The following CTNNA3 variants were observed in gnomAD, a reference collection of about 807,000 sequenced individuals.
CTNNA3 encodes the protein catenin alpha-3.
Under a neutral mutation model 95.7 loss-of-function variants are expected in CTNNA3, and 76 were observed. That is an observed-to-expected ratio of 0.79 (90% confidence interval 0.66 to 0.96). The LOEUF is 0.96. Among genes scored for constraint, CTNNA3 ranks in the 40% least tolerant of loss-of-function variants. The pLI, the probability that CTNNA3 is intolerant of heterozygous loss-of-function variation, is 0.00. For missense variants in CTNNA3, 1,191 were observed against 1,089.8 expected (o/e 1.09, Z -1.31); for synonymous variants, 431 against 374.4 (o/e 1.15, Z -1.74).
intron 13 of CTNNA3, among the ~76,000 whole-genome samples, chr10:66,190,311 C>T: frequency 6.6e-6 from 1 of 152,084 alleles, no homozygotes; most frequent in East Asian, 1.9e-4. Flanking sequence ...ACAAACCTGT[C>T]AAACAAGAAT....
At chr10:67,501,536 T>G (rs185899562) in intron 5 of CTNNA3, among the ~76,000 whole-genome samples, 145 of 152,316 alleles carry the variant, frequency 9.5e-4, no homozygotes, top group African/African-American at 3.3e-3. Context: ...GAAGTTCTCC[T>G]GGTTAGTATC....
intron 11 of CTNNA3, among the ~76,000 whole-genome samples, chr10:66,488,364 T>A (rs920343293): frequency 4.6e-5 from 7 of 152,172 alleles, no homozygotes; most frequent in African/African-American, 1.7e-4. Flanking sequence ...GTCTAACTAA[T>A]CTATATACCT....
chr10:67,112,083 C>T (rs760572679), intron 7 of CTNNA3, among the ~76,000 whole-genome samples: 3 of 152,172 alleles, frequency 2.0e-5, no homozygotes, highest in South Asian at 2.1e-4. Context: ...TAGATGTTGT[C>T]GTCAGTTTGT....
chr10:67,031,139 C>A (rs2133109870), intron 7 of CTNNA3, among the ~76,000 whole-genome samples: 1 of 152,262 alleles, frequency 6.6e-6, no homozygotes, highest in South Asian at 2.1e-4. Context: ...CAAAAGTAAC[C>A]TTTACTTAAT....
At chr10:66,159,247 G>A (rs904769404) in intron 13 of CTNNA3, among the ~76,000 whole-genome samples, 2 of 151,982 alleles carry the variant, frequency 1.3e-5, no homozygotes, top group Non-Finnish European at 1.5e-5. Context: ...GGTCTCAGAG[G>A]GAATTCTTTC....
chr10:66,530,690 A>G (rs1841435455), intron 10 of CTNNA3, among the ~76,000 whole-genome samples: 2 of 152,162 alleles, frequency 1.3e-5, no homozygotes, highest in South Asian at 4.2e-4. Flanking sequence ...CAATTAATGA[A>G]ACTGCATTCA....
intron 13 of CTNNA3, among the ~76,000 whole-genome samples, chr10:66,120,658 T>G (rs919334424): frequency 2.6e-5 from 4 of 152,170 alleles, no homozygotes; most frequent in Non-Finnish European, 5.9e-5. Context: ...AATTAAGAAA[T>G]TTAAAAATAT....
At chr10:66,548,319 A>T (rs938719802) in intron 10 of CTNNA3, among the ~76,000 whole-genome samples, 2 of 152,296 alleles carry the variant, frequency 1.3e-5, no homozygotes, top group Admixed American at 1.3e-4. Flanking sequence ...TTTTTAAAAT[A>T]CTGACACTGT....
At chr10:66,512,506 C>T (rs942802759) in intron 11 of CTNNA3, among the ~76,000 whole-genome samples, 1 of 151,766 alleles carries the variant, frequency 6.6e-6, no homozygotes, top group Non-Finnish European at 1.5e-5. Context: ...AAATTTTATT[C>T]CTTTCTTTTT....
At chr10:67,599,571 GTAAA>G (rs1843018999) in intron 3 of CTNNA3, among the ~76,000 whole-genome samples, 1 of 151,900 alleles carries the variant, frequency 6.6e-6, no homozygotes, top group African/African-American at 2.4e-5. Flanking sequence ...AGGAACTAAA[GTAAA>G]AAAAAAGTTC....
chr10:67,466,357 A>T (rs1262704787), intron 5 of CTNNA3, among the ~76,000 whole-genome samples: 1 of 152,222 alleles, frequency 6.6e-6, no homozygotes, highest in African/African-American at 2.4e-5. Flanking sequence ...ACCCAGCAAT[A>T]GCTTTCTACA....
At chr10:66,275,927 T>C (rs12266660) in intron 13 of CTNNA3, among the ~76,000 whole-genome samples, 11,451 of 152,116 alleles carry the variant, frequency 0.075, 1,269 homozygotes, top group African/African-American at 0.24. Context: ...GGAAAAGCCA[T>C]AAATCTGTTC....
At chr10:66,251,753 A>C (rs1374045288) in intron 13 of CTNNA3, among the ~76,000 whole-genome samples, 5 of 152,210 alleles carry the variant, frequency 3.3e-5, no homozygotes, top group African/African-American at 1.2e-4. Flanking sequence ...GAAATTAGAA[A>C]TATCAACATT....
At chr10:67,017,748 TGTGTGC>T (rs1292319354) in intron 7 of CTNNA3, among the ~76,000 whole-genome samples, 4 of 150,522 alleles carry the variant, frequency 2.7e-5, no homozygotes, top group Non-Finnish European at 4.4e-5. Flanking sequence ...TGTGTGTGTG[TGTGTGC>T]GCGCGTACAA....
intron 1 of CTNNA3, among the ~76,000 whole-genome samples, chr10:67,733,439 T>A (rs935596728): frequency 6.6e-6 from 1 of 152,136 alleles, no homozygotes; most frequent in African/African-American, 2.4e-5. Flanking sequence ...ATCATACCCA[T>A]CTTCCACCAA....
chr10:66,119,542 C>G (rs2082484128), intron 13 of CTNNA3, among the ~76,000 whole-genome samples: 1 of 152,096 alleles, frequency 6.6e-6, no homozygotes, highest in Non-Finnish European at 1.5e-5. Flanking sequence ...TGTTTTATCA[C>G]TTTTTGATCC....
chr10:66,259,038 T>G (rs182582856), intron 13 of CTNNA3, among the ~76,000 whole-genome samples: 85 of 152,310 alleles, frequency 5.6e-4, no homozygotes, highest in Admixed American at 9.8e-4. Flanking sequence ...CTCCTATTAC[T>G]TGGACCTTTA....
chr10:66,055,146 C>G (rs1489187873), intron 15 of CTNNA3, among the ~76,000 whole-genome samples: 1 of 152,046 alleles, frequency 6.6e-6, no homozygotes, highest in Non-Finnish European at 1.5e-5. Flanking sequence ...AAATTTAAGT[C>G]AGGTAATGTG....
rs540000205 is a variant in CTNNA3 at position 67,720,057 on chromosome 10, C to A, written c.-2+43377G>T. Among the ~76,000 whole-genome samples the A allele has an allele frequency of 2.2e-5, 3 of 139,262 alleles. No homozygotes were observed. In the Admixed American group the frequency reaches 2.3e-4, roughly 11 times the overall value. The allele number at this position is 139,262 out of a possible 152,430, so 91.4% of individuals were successfully genotyped here. ...TTGATCCCTTCACCATTATGTAATG[C>A]CCTTCTTTGTCTTTTTCGTATTTTT... is the stretch of plus-strand genomic sequence containing the variant. On this transcript the variant is annotated intron_variant, in intron 1 of 17. Coordinates refer to the CTNNA3 transcript ENST00000684154.
Sources: allele counts gnomAD v4.1 joint callset (sites outside exome capture counted in the v4.1 genomes callset), GRCh38; gene constraint gnomAD v4.1.1; transcripts MANE v1.5; gene names NCBI Gene and HGNC (gene_info 2026-07-23, HGNC 2026-07-21).